AOPEP: variants seen among roughly 807,000 people sequenced by gnomAD.
The protein encoded by AOPEP is aminopeptidase O.
AOPEP carries 77 observed loss-of-function variants against 98.1 expected under a neutral mutation model. The ratio of observed to expected loss-of-function variants is 0.78; its 90% CI spans 0.65 to 0.95. The LOEUF is 0.95. Among genes scored for constraint, AOPEP ranks in the 40% least tolerant of loss-of-function variants. The pLI is 0.00. For missense variants in AOPEP, 1,024 were observed against 1,024.7 expected, an observed-to-expected ratio of 1.00 and a Z score of 0.01; for synonymous variants, 346 against 365.3, an observed-to-expected ratio of 0.95 and a Z score of 0.60.
At chr9:94,795,036 G>A (rs927335168) in intron 4 of AOPEP, among the ~76,000 whole-genome samples, 2 of 152,162 alleles carry the variant, frequency 1.3e-5, no homozygotes, top group African/African-American at 4.8e-5. Context: ...ACTAAGTCTT[G>A]ATCTAAATAT....
intron 5 of AOPEP, among the ~76,000 whole-genome samples, chr9:94,802,172 A>C (rs1452816472): frequency 6.7e-6 from 1 of 149,718 alleles, no homozygotes; most frequent in South Asian, 2.1e-4. Context: ...TTCTTAATGG[A>C]GGGGGGGGCT....
intron 13 of AOPEP, among the ~76,000 whole-genome samples, chr9:95,028,862 TC>T (rs2064059096): frequency 6.6e-6 from 1 of 152,248 alleles, no homozygotes; most frequent in Non-Finnish European, 1.5e-5. Context: ...TATTAGAATT[TC>T]CCTGCCCAAT....
Position 94,773,155 on chromosome 9 carries a change from G to A in AOPEP, c.951G>A (p.Thr317=), listed in dbSNP as rs146903738. ...GTGGGGAAAATTCTGCCAAACCAAC[G>A]CAGCTTTGGGAAGGTACTGTACATG... ...LMSGENSAKP[T]QLWEECSSWY... is the part of the protein sequence containing the mutation. The change falls in exon 3 of 17, where the codon ACG becomes ACA. Residue 317 remains threonine, a synonymous_variant. Coordinates refer to ENST00000375315, the MANE Select transcript of AOPEP (RefSeq NM_001193329.3). The A allele has an allele frequency of 4.5e-5, 72 of 1,613,908 alleles. No individual in the cohort carries two copies. Among genetic ancestry groups the A allele is most frequent in the African/African-American group, 2.0e-4 (15 of 74,984 alleles).
chr9:95,085,813 C>G, intron 16 of AOPEP: 1 of 947,000 alleles, frequency 1.1e-6, no homozygotes, highest in South Asian at 1.8e-5. Context: ...AAACCAAATG[C>G]ATCACCTAAG....
chr9:94,922,950 C>T (rs1005704867), intron 5 of AOPEP, among the ~76,000 whole-genome samples: 1 of 152,190 alleles, frequency 6.6e-6, no homozygotes, highest in Admixed American at 6.5e-5. Context: ...AACCTGCGAG[C>T]AGTCTTGGCT....
chr9:95,004,013 C>G (rs931822312), intron 11 of AOPEP: 12 of 306,032 alleles, frequency 3.9e-5, no homozygotes. Flanking sequence ...AAAGTTGCTG[C>G]TATTTAAAGT....
At chr9:95,110,223 A>AAATT in the AOPEP span, 1 of 998,324 alleles carries the variant, frequency 1.0e-6, no homozygotes, top group African/African-American at 1.7e-5. Flanking sequence ...AACTTTCTAG[A>AAATT]AATTAAGTGT....
Position 95,087,027 on chromosome 9 carries a change from C to T in AOPEP, c.*350C>T, listed in dbSNP as rs1287608802. On this transcript the variant is annotated 3_prime_UTR_variant, in exon 17 of 17. Coordinates refer to ENST00000375315, the MANE Select transcript of AOPEP (RefSeq NM_001193329.3). ...TTACATTGGTCTGCTCAGCACATGGCTGGATGCGGATATTTCTATAATTCC... is the reference window on the plus strand; with the variant it reads ...TTACATTGGTCTGCTCAGCACATGGTTGGATGCGGATATTTCTATAATTCC... 2 of 802,416 alleles carry T rather than the reference C, an allele frequency of 2.5e-6. No individual in the cohort carries two copies. The highest frequency in any genetic ancestry group is 3.0e-6 in the Non-Finnish European group (2 of 662,536). 49.7% of individuals were successfully genotyped at this position (802,416 alleles called of 1,614,324 possible).
At chr9:94,818,942 C>T (rs899264417) in intron 5 of AOPEP, among the ~76,000 whole-genome samples, 5 of 152,154 alleles carry the variant, frequency 3.3e-5, no homozygotes, top group African/African-American at 7.2e-5. Context: ...TCCAGTGAGC[C>T]GAGATCATGC....
At chr9:94,766,153 A>G (rs529511213) in intron 2 of AOPEP, among the ~76,000 whole-genome samples, 43 of 152,312 alleles carry the variant, frequency 2.8e-4, no homozygotes, top group Non-Finnish European at 6.0e-4. Context: ...AAACTTTTAA[A>G]ATGGAAACCT....
chr9:94,849,504 TTC>T (rs145977955), intron 5 of AOPEP, among the ~76,000 whole-genome samples: 61,529 of 113,914 alleles, frequency 0.54, 14,135 homozygotes, highest in East Asian at 0.69. Flanking sequence ...CTTTCTTTCT[TTC>T]TTTTTTTTTT....
At chr9:94,837,490 CATAG>C (rs1224516557) in intron 5 of AOPEP, among the ~76,000 whole-genome samples, 3 of 152,116 alleles carry the variant, frequency 2.0e-5, no homozygotes, top group Non-Finnish European at 4.4e-5. Flanking sequence ...CCCTGATGAA[CATAG>C]ATAGAAAAAT....
the AOPEP span, among the ~76,000 whole-genome samples, chr9:95,095,393 C>T: frequency 1.5e-4 from 23 of 152,172 alleles, no homozygotes; most frequent in Non-Finnish European, 2.6e-4. Flanking sequence ...AAGCCCCTGC[C>T]GTCCCGTTCC....
At chr9:95,123,809 C>A in the AOPEP span, 6 of 691,026 alleles carry the variant, frequency 8.7e-6, no homozygotes, top group Non-Finnish European at 1.6e-5. Flanking sequence ...GGACTGAACA[C>A]CCCTACTCCA....
At chr9:95,074,282 G>A (rs746044360) in intron 14 of AOPEP, among the ~76,000 whole-genome samples, 8 of 152,196 alleles carry the variant, frequency 5.3e-5, no homozygotes, top group Non-Finnish European at 1.0e-4. Context: ...TGGATTCCTT[G>A]AGGATTTTAA....
intron 5 of AOPEP, among the ~76,000 whole-genome samples, chr9:94,857,828 A>G (rs2135354173): frequency 6.6e-6 from 1 of 152,338 alleles, no homozygotes; most frequent in African/African-American, 2.4e-5. Context: ...GCAAAAATGA[A>G]AACACAGATC....
At chr9:95,145,910 A>G in the AOPEP span, among the ~76,000 whole-genome samples, 2 of 152,196 alleles carry the variant, frequency 1.3e-5, no homozygotes, top group Admixed American at 6.5e-5. Flanking sequence ...AGGGATTGAA[A>G]GAGACTTAAA....
intron 11 of AOPEP, among the ~76,000 whole-genome samples, chr9:94,985,064 C>T (rs999782816): frequency 1.3e-5 from 2 of 152,262 alleles, no homozygotes; most frequent in African/African-American, 2.4e-5. Flanking sequence ...GTGAACCTCA[C>T]GTGTCTTCTG....
chr9:94,771,397 G>A (rs1010810755), intron 2 of AOPEP, among the ~76,000 whole-genome samples: 2 of 152,172 alleles, frequency 1.3e-5, no homozygotes, highest in Non-Finnish European at 2.9e-5. Context: ...AACCCAGGTG[G>A]TACAAAGGTG....
Sources: gnomAD v4.1 joint callset for allele counts (sites outside exome capture counted in the v4.1 genomes callset) on GRCh38, gnomAD v4.1.1 for gene constraint, MANE v1.5 for transcripts, NCBI Gene and HGNC (gene_info 2026-07-23, HGNC 2026-07-21) for gene names.